DPYD: variants seen among roughly 807,000 people sequenced by gnomAD.
DPYD encodes dihydropyrimidine dehydrogenase, also known as dihydropyrimidine dehydrogenase [NADP(+)].
DPYD carries 109 observed loss-of-function variants against 116.2 expected under a neutral mutation model. The observed-to-expected ratio is 0.94, with a 90% CI of 0.80 to 1.10. DPYD has a LOEUF of 1.10. Among genes scored for constraint, DPYD ranks in the 50% least tolerant of loss-of-function variants. The probability of loss-of-function intolerance (pLI) is 0.00; values close to 1 mark genes in which losing one functional copy is unlikely to be tolerated. For missense variants in DPYD, 1,302 were observed against 1,254.5 expected, an observed-to-expected ratio of 1.04 and a Z score of -0.57; for synonymous variants, 440 against 432.0, an observed-to-expected ratio of 1.02 and a Z score of -0.23.
intron 8 of DPYD, among the ~76,000 whole-genome samples, chr1:97,678,544 C>T (rs1006921418): frequency 5.9e-5 from 9 of 152,164 alleles, no homozygotes; most frequent in Non-Finnish European, 1.2e-4. Flanking sequence ...TGTTAGAAAA[C>T]TCATTCTCCA....
chr1:97,145,782 T>C (rs1654579262), intron 20 of DPYD, among the ~76,000 whole-genome samples: 1 of 151,784 alleles, frequency 6.6e-6, no homozygotes, highest in African/African-American at 2.4e-5. Flanking sequence ...ACTTTTTTTT[T>C]TTTCCTAATC....
At chr1:97,336,184 T>C (rs74104369) in intron 16 of DPYD, among the ~76,000 whole-genome samples, 1,772 of 152,300 alleles carry the variant, frequency 0.012, 34 homozygotes, top group African/African-American at 0.04. Context: ...ATAGAAGAGA[T>C]ACATTTGAGC....
At chr1:97,549,301 G>C (rs2102083332) in intron 12 of DPYD, among the ~76,000 whole-genome samples, 1 of 152,164 alleles carries the variant, frequency 6.6e-6, no homozygotes, top group Non-Finnish European at 1.5e-5. Flanking sequence ...CCGGGCTCAA[G>C]CATCCTCCCG....
At chr1:97,798,351 C>T (rs573859790) in intron 3 of DPYD, among the ~76,000 whole-genome samples, 36 of 148,872 alleles carry the variant, frequency 2.4e-4, no homozygotes, top group Non-Finnish European at 4.7e-4. Context: ...AGAATAACCA[C>T]AAATATAAAC....
At chr1:97,847,691 A>G (rs1354653943) in intron 2 of DPYD, among the ~76,000 whole-genome samples, 2 of 152,220 alleles carry the variant, frequency 1.3e-5, no homozygotes, top group Non-Finnish European at 2.9e-5. Context: ...GACATTAATC[A>G]GGAGAAAAAC....
intron 11 of DPYD, among the ~76,000 whole-genome samples, chr1:97,556,855 C>A (rs1234127271): frequency 8.0e-5 from 12 of 150,740 alleles, no homozygotes; most frequent in African/African-American, 1.2e-4. Flanking sequence ...ATTTATAGTC[C>A]TTTGGGTATA....
chr1:97,259,501 T>C (rs1414185475), intron 18 of DPYD, among the ~76,000 whole-genome samples: 2 of 152,032 alleles, frequency 1.3e-5, no homozygotes, highest in East Asian at 3.9e-4. Flanking sequence ...GCCTCCTAAG[T>C]AGCTGGTACC....
At chr1:97,547,107 C>A in intron 12 of DPYD, 8 of 799,470 alleles carry the variant, frequency 1.0e-5, no homozygotes, top group South Asian at 7.0e-5. Flanking sequence ...CATAATATAA[C>A]TAGGCAGTGG....
At chr1:97,549,909 A>T (rs1651194689) in intron 11 of DPYD, among the ~76,000 whole-genome samples, 165 bp from the exon 12 acceptor site, 1 of 152,234 alleles carries the variant, frequency 6.6e-6, no homozygotes, top group South Asian at 2.1e-4. Flanking sequence ...TATTGGAGTT[A>T]ACAACACATT....
chr1:97,785,681 C>CTTTTTTT (rs35229030), intron 3 of DPYD, among the ~76,000 whole-genome samples: 2 of 62,538 alleles, frequency 3.2e-5, no homozygotes, highest in African/African-American at 7.1e-5. Context: ...GCCACTGACT[C>CTTTTTTT]TTTTTTTTTT....
chr1:97,584,301 T>C (rs1449868893), intron 10 of DPYD, among the ~76,000 whole-genome samples: 15 of 152,270 alleles, frequency 9.9e-5, no homozygotes, highest in Middle Eastern at 6.8e-3. Context: ...TTGTAGATTC[T>C]GGATATTAGC....
chr1:97,443,841 C>A (rs187658629), intron 14 of DPYD, among the ~76,000 whole-genome samples: 85 of 152,340 alleles, frequency 5.6e-4, no homozygotes, highest in African/African-American at 2.0e-3. Flanking sequence ...TAGAAGCCTA[C>A]TTTTGCAGAG....
chr1:97,583,756 G>A (rs1003345661), intron 10 of DPYD, among the ~76,000 whole-genome samples: 2 of 149,346 alleles, frequency 1.3e-5, no homozygotes, highest in African/African-American at 4.9e-5. Context: ...ATAAAAATGT[G>A]ACGCAATATT....
At chr1:97,520,039 C>T (rs1347027177) in intron 12 of DPYD, among the ~76,000 whole-genome samples, 1 of 151,854 alleles carries the variant, frequency 6.6e-6, no homozygotes, top group Non-Finnish European at 1.5e-5. Context: ...TTCAGGAAAC[C>T]AACTTAAAAT....
At chr1:97,776,512 G>T (rs144918313) in intron 3 of DPYD, among the ~76,000 whole-genome samples, 1 of 152,104 alleles carries the variant, frequency 6.6e-6, no homozygotes, top group Non-Finnish European at 1.5e-5. Flanking sequence ...TATTTTTTGA[G>T]GTGATCCTCT....
intron 8 of DPYD, among the ~76,000 whole-genome samples, chr1:97,643,266 T>C (rs766200934): frequency 1.1e-4 from 16 of 151,984 alleles, no homozygotes; most frequent in Non-Finnish European, 2.2e-4. Context: ...CATCAAAAAG[T>C]GGGCAAAGGA....
chr1:97,894,365 T>C (rs187215381), intron 1 of DPYD, among the ~76,000 whole-genome samples: 151 of 151,882 alleles, frequency 9.9e-4, no homozygotes, highest in African/African-American at 3.4e-3. Flanking sequence ...CTTCAACATA[T>C]GAATTTTGAG....
chr1:97,758,150 T>G (rs578007764), intron 3 of DPYD, among the ~76,000 whole-genome samples: 4 of 152,136 alleles, frequency 2.6e-5, no homozygotes, highest in African/African-American at 7.2e-5. Context: ...GAAAAAACAC[T>G]GGACAAATAA....
intron 19 of DPYD, among the ~76,000 whole-genome samples, chr1:97,227,217 C>G (rs998614288): frequency 2.7e-5 from 4 of 150,672 alleles, no homozygotes; most frequent in Admixed American, 6.6e-5. Context: ...CCCAGCTCTA[C>G]TCGGGAGGCT....
Sources: allele counts gnomAD v4.1 joint callset (sites outside exome capture counted in the v4.1 genomes callset), GRCh38; gene constraint gnomAD v4.1.1; transcripts MANE v1.5; gene names NCBI Gene and HGNC (gene_info 2026-07-23, HGNC 2026-07-21).